Variants in ANKRD6 observed in about 807,000 individuals in gnomAD.
ANKRD6 encodes ankyrin repeat domain 6, also known as ankyrin repeat domain-containing protein 6.
Under a neutral mutation model 82.3 loss-of-function variants are expected in ANKRD6, and 56 were observed. The observed-to-expected ratio is 0.68, with a 90% CI of 0.55 to 0.85. The LOEUF (loss-of-function observed/expected upper bound fraction) is 0.85, where lower values mean the gene tolerates loss of function less well. Ranked by LOEUF, ANKRD6 falls within the 40% of genes least tolerant of loss-of-function variation. The pLI is 0.00. For synonymous variants in ANKRD6, 347 were observed against 352.1 expected (o/e 0.99, Z 0.16); for missense variants, 852 against 907.6 (o/e 0.94, Z 0.79).
intron 1 of ANKRD6, among the ~76,000 whole-genome samples, chr6:89,484,514 C>T (rs1207787334): frequency 6.6e-6 from 1 of 152,186 alleles, no homozygotes; most frequent in African/African-American, 2.4e-5. Context: ...GGACTCACTT[C>T]CTTAACTGCT....
At chr6:89,500,621 G>C (rs1779158206) in intron 1 of ANKRD6, among the ~76,000 whole-genome samples, 1 of 152,198 alleles carries the variant, frequency 6.6e-6, no homozygotes, top group South Asian at 2.1e-4. Flanking sequence ...CAGAAATCGT[G>C]TAATGGGGGA....
At chr6:89,488,076 A>G (rs568510005) in intron 1 of ANKRD6, among the ~76,000 whole-genome samples, 1 of 152,178 alleles carries the variant, frequency 6.6e-6, no homozygotes, top group Non-Finnish European at 1.5e-5. Flanking sequence ...TGCCTGTGCT[A>G]CCAAGTGCCT....
chr6:89,563,888 G>A (rs1394124725), intron 1 of ANKRD6, among the ~76,000 whole-genome samples: 3 of 152,118 alleles, frequency 2.0e-5, no homozygotes, highest in Admixed American at 6.5e-5. Flanking sequence ...GAGAGAGGTG[G>A]TGTCTCTGCT....
intron 8 of ANKRD6, 85 bp from the exon 9 acceptor site, chr6:89,617,869 C>CT: frequency 7.4e-7 from 1 of 1,345,586 alleles, no homozygotes; most frequent in South Asian, 1.2e-5. Flanking sequence ...GAACTGCCTG[C>CT]TCCTGGCCAG....
chr6:89,568,919 TTATA>T (rs924413795), intron 2 of ANKRD6, among the ~76,000 whole-genome samples: 8 of 146,978 alleles, frequency 5.4e-5, no homozygotes, highest in African/African-American at 2.0e-4. Flanking sequence ...ATAGAAAATT[TTATA>T]TATATATAAT....
At chr6:89,612,445 T>A (rs1169056443) in intron 6 of ANKRD6, 75 bp downstream of exon 6, 1 of 1,367,226 alleles carries the variant, frequency 7.3e-7, no homozygotes, top group Non-Finnish European at 1.0e-6. Context: ...TGAGCATACT[T>A]GAACCTTAAC....
rs565102219 is a variant in ANKRD6, at chr6:89,610,288, C to T, written c.418-1984C>T. Among the ~76,000 whole-genome samples, 66 of 152,278 alleles carry T rather than the reference C, an allele frequency of 4.3e-4. No individual in the cohort carries two copies. In the South Asian group the frequency reaches 0.014, roughly 32 times the overall value. On this transcript the variant is annotated intron_variant, in intron 5 of 15. Transcript: ENST00000339746. ...AGGCCCCCAGTCACCCTCTCCCAGCCCCGGGCAACCACGGATCTGTTTTGC... is the reference window on the plus strand; with the variant it reads ...AGGCCCCCAGTCACCCTCTCCCAGCTCCGGGCAACCACGGATCTGTTTTGC...
chr6:89,447,744 A>G (rs536394900), intron 1 of ANKRD6, among the ~76,000 whole-genome samples: 4 of 152,220 alleles, frequency 2.6e-5, no homozygotes, highest in African/African-American at 9.6e-5. Context: ...GCTGGAGAGC[A>G]ATGGTGTGAT....
rs1807274879 is a variant in ANKRD6 at position 89,630,933 on chromosome 6, T to C, written c.2113T>C (p.Leu705=). ...GAAAGCCCAGCAAGATAAGGCTACA[T>C]TGAAGGAACACATTAAAAGTTTAGA... ...NQKAQQDKAT[L]KEHIKSLEEE... The change falls in exon 16 of 16, where the codon TTG becomes CTG. Residue 705 remains leucine (L), a synonymous_variant. Coordinates refer to ENST00000339746, the MANE Select transcript of ANKRD6 (RefSeq NM_001242809.2). The C allele has an allele frequency of 6.2e-7, 1 of 1,607,576 alleles. No homozygotes were observed.
intron 1 of ANKRD6, among the ~76,000 whole-genome samples, chr6:89,437,568 G>A (rs1770812643): frequency 1.3e-5 from 2 of 152,176 alleles, no homozygotes; most frequent in Non-Finnish European, 2.9e-5. Context: ...CTGAATGACT[G>A]AAGTCCAGTA....
chr6:89,539,741 C>CTTTTTTTTTTTTTTTT (rs570865099), intron 1 of ANKRD6, among the ~76,000 whole-genome samples: 3 of 142,658 alleles, frequency 2.1e-5, no homozygotes, highest in African/African-American at 7.7e-5. Flanking sequence ...AGGTCTTATT[C>CTTTTTTTTTTTTTTTT]TTTTTTTTTT....
chr6:89,536,793 G>T (rs1783894146), intron 1 of ANKRD6, among the ~76,000 whole-genome samples: 2 of 152,194 alleles, frequency 1.3e-5, no homozygotes, highest in Admixed American at 1.3e-4. Context: ...TTGCAAGCCT[G>T]GGCAAGACAG....
At chr6:89,463,466 G>A (rs1774454206) in intron 1 of ANKRD6, among the ~76,000 whole-genome samples, 1 of 152,120 alleles carries the variant, frequency 6.6e-6, no homozygotes, top group African/African-American at 2.4e-5. Flanking sequence ...AGTACTGGGT[G>A]CAAGATATGA....
At chr6:89,486,258 G>C (rs1236373709) in intron 1 of ANKRD6, among the ~76,000 whole-genome samples, 1 of 152,146 alleles carries the variant, frequency 6.6e-6, no homozygotes, top group Non-Finnish European at 1.5e-5. Context: ...TGGCACTTGA[G>C]ATTGGCATTG....
rs1156233478 is a variant in ANKRD6, at chr6:89,624,636, T to C, written c.1316T>C (p.Val439Ala). Reference protein sequence around the residue: ...VEEIKAELGSVQDKMNTKLGQ... With the variant: ...VEEIKAELGSAQDKMNTKLGQ... The stretch of plus-strand genomic sequence containing the variant: ...GAGATAAAAGCAGAGCTGGGATCGG[T>C]TCAGGACAAAATGAATACAAAGCTG... Residue 439 changes from valine to alanine, a missense_variant, in exon 13 of 16, where the codon GTT becomes GCT. Transcript: ENST00000339746. 1.3e-6 allele frequency: 2 copies of C among 1,590,442 alleles called. No homozygotes were observed. The highest frequency in any genetic ancestry group is 4.5e-5 in the East Asian group (2 of 43,968).
At chr6:89,605,198 A>G (rs9351209) in intron 4 of ANKRD6, among the ~76,000 whole-genome samples, 84,984 of 152,014 alleles carry the variant, frequency 0.56, 25,043 homozygotes, top group East Asian at 0.65. Context: ...CCTAGCCAAC[A>G]TAGTGAAACC....
chr6:89,599,623 C>G (rs1042445509), intron 3 of ANKRD6, among the ~76,000 whole-genome samples: 3 of 147,374 alleles, frequency 2.0e-5, no homozygotes, highest in African/African-American at 7.4e-5. Flanking sequence ...ATAACTGACC[C>G]TGTTTCAACT....
intron 1 of ANKRD6, among the ~76,000 whole-genome samples, chr6:89,541,915 A>G (rs908526213): frequency 1.3e-5 from 2 of 151,776 alleles, no homozygotes; most frequent in Non-Finnish European, 1.5e-5. Flanking sequence ...GAATTTTCTA[A>G]TAATTGTCTG....
At chr6:89,469,716 G>A (rs138948060) in intron 1 of ANKRD6, among the ~76,000 whole-genome samples, 1,871 of 152,228 alleles carry the variant, frequency 0.012, 15 homozygotes, top group Non-Finnish European at 0.019. Flanking sequence ...CGTGTCACTC[G>A]TCTGGAATTA....
Sources: allele counts gnomAD v4.1 joint callset (sites outside exome capture counted in the v4.1 genomes callset), GRCh38; gene constraint gnomAD v4.1.1; transcripts MANE v1.5; gene names NCBI Gene and HGNC (gene_info 2026-07-23, HGNC 2026-07-21).